WDFY3: variants seen among roughly 807,000 people sequenced by gnomAD.
WDFY3 encodes WD repeat and FYVE domain containing 3.
A neutral mutation model predicts 409.6 loss-of-function variants in WDFY3; 66 were observed. The observed-to-expected ratio is 0.16, with a 90% confidence interval of 0.13 to 0.20. The LOEUF (loss-of-function observed/expected upper bound fraction) is 0.20, where lower values mean the gene tolerates loss of function less well. WDFY3 is among the 10% of genes least tolerant of loss of function. The pLI is 1.00. For missense variants in WDFY3, 3,031 were observed against 4,298.1 expected (o/e 0.71, Z 8.24); for synonymous variants, 1,521 against 1,537.1 (o/e 0.99, Z 0.25).
At chr4:84,782,406 C>T (rs1055953904) in intron 25 of WDFY3, among the ~76,000 whole-genome samples, 2 of 151,832 alleles carry the variant, frequency 1.3e-5, no homozygotes, top group African/African-American at 2.4e-5. Flanking sequence ...TTCTGGGATA[C>T]ATGCACAGAA....
chr4:84,889,793 G>A (rs986604465), intron 3 of WDFY3, among the ~76,000 whole-genome samples: 4 of 152,148 alleles, frequency 2.6e-5, no homozygotes, highest in African/African-American at 9.7e-5. Flanking sequence ...CTACCACATG[G>A]AAGGCAATCA....
At chr4:84,912,960 A>C (rs949816974) in intron 2 of WDFY3, among the ~76,000 whole-genome samples, 1 of 152,172 alleles carries the variant, frequency 6.6e-6, no homozygotes, top group African/African-American at 2.4e-5. Context: ...GTTGTACCAC[A>C]AGTAGGGCTG....
chr4:84,808,569 C>G (rs1230798592), intron 14 of WDFY3, 152 bp from the exon 15 acceptor site: 5 of 616,236 alleles, frequency 8.1e-6, no homozygotes, highest in African/African-American at 7.4e-5. Context: ...GACTACAACA[C>G]AAGCACTGAA....
At chr4:84,908,804 G>A (rs1442576683) in intron 2 of WDFY3, among the ~76,000 whole-genome samples, 1 of 152,040 alleles carries the variant, frequency 6.6e-6, no homozygotes, top group Non-Finnish European at 1.5e-5. Context: ...AGTTCTTAGT[G>A]TTCTAAGGTT....
chr4:84,865,085 T>C (rs562156870), intron 3 of WDFY3, among the ~76,000 whole-genome samples: 3 of 152,110 alleles, frequency 2.0e-5, no homozygotes, highest in South Asian at 4.1e-4. Flanking sequence ...GACATGGTTT[T>C]GTCCTGTTGC....
intron 62 of WDFY3, 129 bp from the exon 63 acceptor site, chr4:84,684,254 T>G (rs946566623): frequency 3.7e-6 from 3 of 815,278 alleles, no homozygotes; most frequent in Non-Finnish European, 5.2e-6. Context: ...GCTAATTTCT[T>G]AGGTAACCTG....
chr4:84,883,714 G>A (rs1212829156), intron 3 of WDFY3, among the ~76,000 whole-genome samples: 1 of 152,016 alleles, frequency 6.6e-6, no homozygotes, highest in Non-Finnish European at 1.5e-5. Flanking sequence ...ACTAGAGCTG[G>A]GGAAAAGGGA....
rs149573147 is a variant in WDFY3, at chr4:84,749,113, T to A, written c.5973+2370A>T. On this transcript the variant is annotated intron_variant, in intron 36 of 67. Transcript: ENST00000295888. ...GTTGCCCGGGTTGGTCTTGAACTCC[T>A]AACTTTAAGCAATCCTTCTGCCTTG... 7.8e-3 allele frequency among the ~76,000 whole-genome samples: 1,193 copies of A among 152,262 alleles called. 9 individuals carry two copies. The highest frequency in any genetic ancestry group is 0.061 in the Middle Eastern group (18 of 294).
chr4:84,739,202 T>C, intron 39 of WDFY3, 83 bp from the exon 40 acceptor site: 3 of 1,352,214 alleles, frequency 2.2e-6, no homozygotes. Flanking sequence ...TCTATTTCCA[T>C]TACCAGCAGA....
intron 66 of WDFY3, 109 bp from the exon 67 acceptor site, chr4:84,677,505 G>A: frequency 9.6e-7 from 1 of 1,045,708 alleles, no homozygotes; most frequent in Non-Finnish European, 1.3e-6. Context: ...GGGCTGGTAA[G>A]GGTCCTGGAG....
intron 61 of WDFY3, among the ~76,000 whole-genome samples, 199 bp downstream of exon 61, chr4:84,690,307 G>A (rs1041110191): frequency 4.0e-5 from 6 of 151,894 alleles, no homozygotes; most frequent in Non-Finnish European, 7.4e-5. Flanking sequence ...CAAAGGGACC[G>A]GCTTAGATCA....
chr4:84,781,165 C>G (rs980258981), intron 25 of WDFY3, among the ~76,000 whole-genome samples: 1 of 151,718 alleles, frequency 6.6e-6, no homozygotes, highest in Non-Finnish European at 1.5e-5. Context: ...AACAGTACAT[C>G]AGTAACTTTA....
chr4:84,899,035 T>C (rs747830763), intron 2 of WDFY3, among the ~76,000 whole-genome samples: 1 of 152,214 alleles, frequency 6.6e-6, no homozygotes, highest in African/African-American at 2.4e-5. Flanking sequence ...CATGGTGTGA[T>C]GAGTATAGAG....
intron 44 of WDFY3, among the ~76,000 whole-genome samples, chr4:84,730,807 ATT>A (rs796852348): frequency 6.8e-6 from 1 of 146,592 alleles, no homozygotes; most frequent in Non-Finnish European, 1.5e-5. Flanking sequence ...CTCTCTCTGT[ATT>A]TTTTTTTTTA....
intron 20 of WDFY3, 25 bp downstream of exon 20, chr4:84,794,854 T>C (rs1749107492): frequency 6.4e-7 from 1 of 1,550,454 alleles, no homozygotes; most frequent in African/African-American, 1.4e-5. Flanking sequence ...AAAAAACTCA[T>C]AAGCAGAAAG....
chr4:84,759,258 T>C (rs1450250032), intron 32 of WDFY3, among the ~76,000 whole-genome samples: 2 of 152,206 alleles, frequency 1.3e-5, no homozygotes, highest in East Asian at 3.8e-4. Context: ...GCTTTGTTCT[T>C]TTGGCTTAGG....
intron 16 of WDFY3, among the ~76,000 whole-genome samples, chr4:84,802,350 C>T (rs558056891): frequency 2.0e-5 from 3 of 151,758 alleles, no homozygotes; most frequent in Admixed American, 1.3e-4. Flanking sequence ...ACCTCCGCCT[C>T]CTGGGTTCAA....
At chr4:84,826,463 C>T (rs1754877920) in intron 10 of WDFY3, among the ~76,000 whole-genome samples, 1 of 152,110 alleles carries the variant, frequency 6.6e-6, no homozygotes, top group Non-Finnish European at 1.5e-5. Flanking sequence ...TTAATAGGTA[C>T]AGAGATTAGG....
intron 2 of WDFY3, among the ~76,000 whole-genome samples, chr4:84,908,465 C>T (rs1380226718): frequency 2.0e-5 from 3 of 152,162 alleles, no homozygotes; most frequent in Non-Finnish European, 4.4e-5. Flanking sequence ...GGCAAACCCT[C>T]TAAACTCAAA....
Sources: gnomAD v4.1 joint callset for allele counts (sites outside exome capture counted in the v4.1 genomes callset) on GRCh38, gnomAD v4.1.1 for gene constraint, MANE v1.5 for transcripts, NCBI Gene and HGNC (gene_info 2026-07-23, HGNC 2026-07-21) for gene names.